Variants in LDLRAD3 observed in about 807,000 individuals in gnomAD.
LDLRAD3 encodes the protein low density lipoprotein receptor class A domain containing 3.
A neutral mutation model predicts 29.4 loss-of-function variants in LDLRAD3; 20 were observed. The observed-to-expected ratio is 0.68, with a 90% CI of 0.48 to 0.99. LDLRAD3 has a LOEUF of 0.99. Among genes scored for constraint, LDLRAD3 ranks in the 50% least tolerant of loss-of-function variants. The probability of loss-of-function intolerance (pLI) is 0.00; values close to 1 mark genes in which losing one functional copy is unlikely to be tolerated. For missense variants in LDLRAD3, 420 were observed against 454.3 expected, an observed-to-expected ratio of 0.92 and a Z score of 0.69; for synonymous variants, 157 against 192.7, an observed-to-expected ratio of 0.81 and a Z score of 1.53.
intron 1 of LDLRAD3, among the ~76,000 whole-genome samples, chr11:35,991,065 TTTTC>T (rs1851682961): frequency 6.6e-6 from 1 of 152,230 alleles, no homozygotes; most frequent in African/African-American, 2.4e-5. Flanking sequence ...TTCTGCGGTC[TTTTC>T]AGACCTTGGA....
chr11:36,000,777 A>T (rs1399786142), intron 1 of LDLRAD3, among the ~76,000 whole-genome samples: 1 of 152,158 alleles, frequency 6.6e-6, no homozygotes, highest in East Asian at 1.9e-4. Context: ...GACATGACCC[A>T]TCCTCGGTGT....
At chr11:36,025,562 G>T (rs1318812561) in intron 1 of LDLRAD3, among the ~76,000 whole-genome samples, 1 of 151,684 alleles carries the variant, frequency 6.6e-6, no homozygotes, top group African/African-American at 2.4e-5. Context: ...CTAATTTTTT[G>T]TATTTTTTAG....
At position 35,995,337 on chromosome 11, in the gene LDLRAD3, C is replaced by T. The variant is rs529053929; in HGVS notation, c.47-40766C>T. ...GGTAACCAGATGCATTGCTACTGAG[C>T]AGTAATATTTTGAAAGGAATCTTTT... On this transcript the variant is annotated intron_variant, in intron 1 of 5. Transcript: ENST00000315571. Among the ~76,000 whole-genome samples the T allele has an allele frequency of 2.3e-3, 350 of 152,310 alleles. 2 individuals are homozygous for T. The highest frequency in any genetic ancestry group is 8.0e-3 in the African/African-American group (333 of 41,550).
intron 3 of LDLRAD3, among the ~76,000 whole-genome samples, chr11:36,096,416 G>A (rs944813914): frequency 1.6e-4 from 25 of 152,108 alleles, no homozygotes; most frequent in Non-Finnish European, 2.8e-4. Flanking sequence ...TGGGCCTGGC[G>A]TCTGTTCTGG....
intron 1 of LDLRAD3, among the ~76,000 whole-genome samples, chr11:35,947,416 G>T (rs1343698581): frequency 6.6e-6 from 1 of 151,894 alleles, no homozygotes; most frequent in African/African-American, 2.4e-5. Context: ...AGGCCAAGGT[G>T]GGAGAATCAC....
At chr11:36,185,097 A>G (rs555866982) in intron 4 of LDLRAD3, among the ~76,000 whole-genome samples, 1 of 152,208 alleles carries the variant, frequency 6.6e-6, no homozygotes, top group Non-Finnish European at 1.5e-5. Context: ...ATAGCTCGCC[A>G]TATTACTAGA....
intron 4 of LDLRAD3, among the ~76,000 whole-genome samples, chr11:36,105,888 T>TCA (rs1853522300): frequency 6.6e-6 from 1 of 151,738 alleles, no homozygotes; most frequent in South Asian, 2.1e-4. Flanking sequence ...CCCCGAGAAG[T>TCA]CACACTTAAG....
intron 1 of LDLRAD3, among the ~76,000 whole-genome samples, chr11:36,002,827 A>T (rs1851840857): frequency 6.6e-6 from 1 of 152,242 alleles, no homozygotes; most frequent in Non-Finnish European, 1.5e-5. Flanking sequence ...TTAGAGATGG[A>T]CTGCCTAAAT....
At chr11:36,087,070 A>T (rs535006655) in intron 3 of LDLRAD3, among the ~76,000 whole-genome samples, 1 of 152,328 alleles carries the variant, frequency 6.6e-6, no homozygotes, top group South Asian at 2.1e-4. Flanking sequence ...CCCCACAGGG[A>T]GGCAAACTTT....
At chr11:36,217,771 T>G (rs1855371975) in intron 4 of LDLRAD3, among the ~76,000 whole-genome samples, 1 of 150,994 alleles carries the variant, frequency 6.6e-6, no homozygotes. Flanking sequence ...CTGGCAATTC[T>G]TGGTGTTCCT....
At chr11:36,160,048 A>G (rs1391985663) in intron 4 of LDLRAD3, among the ~76,000 whole-genome samples, 3 of 152,084 alleles carry the variant, frequency 2.0e-5, no homozygotes, top group Non-Finnish European at 2.9e-5. Flanking sequence ...AAATTTATAA[A>G]TCCGTGGCCT....
At chr11:36,073,702 G>A (rs1852946374) in intron 2 of LDLRAD3, among the ~76,000 whole-genome samples, 1 of 152,276 alleles carries the variant, frequency 6.6e-6, no homozygotes, top group Non-Finnish European at 1.5e-5. Context: ...AACAGCAACT[G>A]AGCATGCTGA....
chr11:36,093,792 C>T (rs1259074097), intron 3 of LDLRAD3, among the ~76,000 whole-genome samples: 2 of 152,138 alleles, frequency 1.3e-5, no homozygotes, highest in Non-Finnish European at 2.9e-5. Flanking sequence ...AGTGATAGAA[C>T]AGCTCTCAGT....
chr11:36,087,748 AT>A (rs1853217057), intron 3 of LDLRAD3, among the ~76,000 whole-genome samples: 2 of 151,686 alleles, frequency 1.3e-5, no homozygotes, highest in South Asian at 4.2e-4. Flanking sequence ...TCTCACTCTC[AT>A]TTTCTAGGCT....
intron 2 of LDLRAD3, among the ~76,000 whole-genome samples, chr11:36,063,985 C>G (rs886696200): frequency 2.6e-5 from 4 of 152,158 alleles, no homozygotes; most frequent in Admixed American, 2.6e-4. Flanking sequence ...TCCATAGACT[C>G]TGTGGATCAA....
chr11:35,947,743 A>G (rs263097), intron 1 of LDLRAD3, among the ~76,000 whole-genome samples: 4,429 of 152,262 alleles, frequency 0.029, 220 homozygotes, highest in African/African-American at 0.1. Flanking sequence ...CCTAGATTCT[A>G]ACTTAAGCTT....
rs535836236 is a variant in LDLRAD3 at position 35,945,176 on chromosome 11, A to G, written c.46+1032A>G. 1.2e-4 allele frequency among the ~76,000 whole-genome samples: 19 copies of G among 152,310 alleles called. No homozygotes were observed. The East Asian group carries it at 3.7e-3, about 30-fold the overall frequency. On this transcript the variant is annotated intron_variant, in intron 1 of 5. Coordinates refer to ENST00000315571, the MANE Select transcript of LDLRAD3 (RefSeq NM_174902.4). ...GGTGTTTGTGCCATCCACATGTCCA[A>G]TAGCTGCCCTATTTTGCCAAGTGCT...
chr11:36,080,562 C>A (rs1853098014), intron 2 of LDLRAD3, among the ~76,000 whole-genome samples: 1 of 152,168 alleles, frequency 6.6e-6, no homozygotes, highest in South Asian at 2.1e-4. Flanking sequence ...TTGGGCAAGT[C>A]ACTTCATCTC....
intron 1 of LDLRAD3, among the ~76,000 whole-genome samples, chr11:35,964,859 C>T (rs1031607819): frequency 1.3e-5 from 2 of 151,936 alleles, no homozygotes; most frequent in South Asian, 4.2e-4. Flanking sequence ...CATGCTGGTG[C>T]ACACCTGTAG....
Sources: gnomAD v4.1 joint callset for allele counts (sites outside exome capture counted in the v4.1 genomes callset) on GRCh38, gnomAD v4.1.1 for gene constraint, MANE v1.5 for transcripts, NCBI Gene and HGNC (gene_info 2026-07-23, HGNC 2026-07-21) for gene names.